ABAT: variants seen among roughly 807,000 people sequenced by gnomAD.
ABAT encodes 4-aminobutyrate aminotransferase.
ABAT carries 45 observed loss-of-function variants against 64.6 expected under a neutral mutation model. The observed-to-expected ratio is 0.70, with a 90% CI of 0.55 to 0.89. The LOEUF (loss-of-function observed/expected upper bound fraction) is 0.89, where lower values mean the gene tolerates loss of function less well. Ranked by LOEUF, ABAT falls within the 40% of genes least tolerant of loss-of-function variation. The pLI is 0.00. For synonymous variants in ABAT, 297 were observed against 250.5 expected (o/e 1.19, Z -1.75); for missense variants, 633 against 658.4 (o/e 0.96, Z 0.42).
chr16:8,687,526 AAAAACAAAAAAC>A (rs2057483697), intron 1 of ABAT, among the ~76,000 whole-genome samples: 1 of 152,330 alleles, frequency 6.6e-6, no homozygotes, highest in East Asian at 1.9e-4. Flanking sequence ...CTCCATCTCA[AAAAACAAAAAAC>A]AAAACAAAAA....
At chr16:8,688,076 A>ATT (rs5815493) in intron 1 of ABAT, among the ~76,000 whole-genome samples, 8 of 151,000 alleles carry the variant, frequency 5.3e-5, no homozygotes, top group African/African-American at 1.7e-4. Context: ...CTTATTTTTT[A>ATT]TTTTTTTTGT....
At chr16:8,698,355 C>T (rs1449815799) in intron 1 of ABAT, among the ~76,000 whole-genome samples, 23 of 150,850 alleles carry the variant, frequency 1.5e-4, no homozygotes, top group Non-Finnish European at 2.5e-4. Flanking sequence ...TTCTTTGAGA[C>T]GGAGTTCCAC....
Position 8,674,694 on chromosome 16 carries a change from C to T in ABAT, c.-59C>T, listed in dbSNP as rs1185380605. 1 of 152,294 alleles carries T rather than the reference C, an allele frequency of 6.6e-6. No individual in the cohort carries two copies. The highest frequency in any genetic ancestry group is 1.5e-5 in the Non-Finnish European group (1 of 68,096). 9.4% of individuals were successfully genotyped at this position (152,294 alleles called of 1,614,324 possible). ...ACCCGGCGGATCGGATCCCGCAGAT[C>T]GGAGACGGGGCCTGGAGGTGAGCGC... On this transcript the variant is annotated 5_prime_UTR_variant, in exon 1 of 16. Transcript: ENST00000268251.
chr16:8,732,934 C>A (rs1465487570), intron 1 of ABAT, among the ~76,000 whole-genome samples: 1 of 149,628 alleles, frequency 6.7e-6, no homozygotes, highest in Non-Finnish European at 1.5e-5. Context: ...GGGGCTGACC[C>A]CCCTACCTCC....
intron 4 of ABAT, 47 bp from the exon 5 acceptor site, chr16:8,750,375 A>C (rs1408486068): frequency 6.7e-7 from 1 of 1,483,174 alleles, no homozygotes; most frequent in Non-Finnish European, 9.4e-7. Context: ...AAGCCCAAGA[A>C]TCTAGGGAGT....
intron 1 of ABAT, among the ~76,000 whole-genome samples, chr16:8,700,440 G>A (rs73497667): frequency 0.07 from 10,686 of 151,940 alleles, 1,252 homozygotes; most frequent in African/African-American, 0.24. Context: ...ACCGTCCCCA[G>A]CCCCCAGAAA....
At chr16:8,675,244 GGAGA>G (rs2141874144) in intron 1 of ABAT, among the ~76,000 whole-genome samples, 1 of 152,144 alleles carries the variant, frequency 6.6e-6, no homozygotes, top group African/African-American at 2.4e-5. Flanking sequence ...ACTGGGCTCT[GGAGA>G]GATAGATGAT....
intron 5 of ABAT, 46 bp from the exon 6 acceptor site, chr16:8,757,711 A>G: frequency 6.3e-7 from 1 of 1,592,710 alleles, no homozygotes; most frequent in Non-Finnish European, 8.6e-7. Flanking sequence ...GGCATGGGGA[A>G]CCCTTGGATG....
intron 13 of ABAT, among the ~76,000 whole-genome samples, chr16:8,775,565 T>TACACACAC (rs3069345): frequency 1.3e-5 from 2 of 150,938 alleles, no homozygotes; most frequent in African/African-American, 4.9e-5. Flanking sequence ...CATACAGATT[T>TACACACAC]ACACACACAC....
Position 8,736,096 on chromosome 16 carries a change from T to A in ABAT, c.70+287T>A, listed in dbSNP as rs1731086. 7.8e-5 allele frequency: 34 copies of A among 434,856 alleles called. No homozygotes were observed. The East Asian group carries it at 9.0e-4, about 12-fold the overall frequency. The allele number at this position is 434,856 out of a possible 1,614,324, so 26.9% of individuals were successfully genotyped here. Reference sequence around the variant, plus strand: ...GGAACAAAGGCACGTCTTACATGGCTACAGGCAAGAGAGCATGTGCAGGGG... The same window carrying A: ...GGAACAAAGGCACGTCTTACATGGCAACAGGCAAGAGAGCATGTGCAGGGG... On this transcript the variant is annotated intron_variant, in intron 2 of 15. Coordinates refer to ENST00000268251, the MANE Select transcript of ABAT (RefSeq NM_020686.6).
intron 10 of ABAT, 143 bp downstream of exon 10, chr16:8,768,399 C>T (rs2060008266): frequency 2.4e-5 from 23 of 944,352 alleles, no homozygotes; most frequent in Non-Finnish European, 3.8e-5. Context: ...GATTATTATT[C>T]CTGCTTTGCA....
In ABAT at chr16:8,746,088, C is replaced by T. The variant is rs903906856; in HGVS notation, c.158C>T (p.Pro53Leu). 12 of 1,613,358 alleles carry T rather than the reference C, an allele frequency of 7.4e-6. No individual in the cohort carries two copies. The Admixed American group carries it at 1.2e-4, about 16-fold the overall frequency. The change falls in exon 3 of 16, where the codon CCT becomes CTT. Residue 53 changes from proline (P) to leucine (L), a missense_variant. Coordinates refer to ENST00000268251, the MANE Select transcript of ABAT (RefSeq NM_020686.6). ...CTGATGAAGACGGAAGTCCCAGGGC[C>T]TAGATCTCAGGTGAGTTGAGCACAC... is the stretch of plus-strand genomic sequence containing the variant. The part of the protein sequence containing the change: ...GPLMKTEVPG[P>L]RSQELMKQLN...
intron 1 of ABAT, among the ~76,000 whole-genome samples, chr16:8,685,413 G>A (rs1173213719): frequency 1.3e-5 from 2 of 150,346 alleles, no homozygotes; most frequent in Admixed American, 6.6e-5. Context: ...GCTCTCGCCT[G>A]TAATCCAGCA....
At chr16:8,779,398 C>T in intron 14 of ABAT, 81 bp from the exon 15 acceptor site, 1 of 1,246,448 alleles carries the variant, frequency 8.0e-7, no homozygotes, top group Non-Finnish European at 1.2e-6. Context: ...CATGGGAGGC[C>T]TTTGACGAAG....
rs977787136 is a variant in ABAT, at chr16:8,781,178, A to C, written c.1382-131A>C. 3.5e-6 allele frequency: 5 copies of C among 1,442,618 alleles called. No homozygotes were observed. The highest frequency in any genetic ancestry group is 1.8e-5 in the Admixed American group (1 of 56,332). 89.4% of individuals were successfully genotyped at this position (1,442,618 alleles called of 1,614,324 possible). ...TGGTAGGAAGGAAGCCCGGGCTTCCATGATGGAGGATGATGGATGGATGGA... is the reference window on the plus strand; with the variant it reads ...TGGTAGGAAGGAAGCCCGGGCTTCCCTGATGGAGGATGATGGATGGATGGA... On this transcript the variant is annotated intron_variant, in intron 15 of 15. Transcript: ENST00000268251. This position sits in a 1 kb window ranked among gnomAD's most constrained non-coding sequence, Gnocchi z 4.5.
At chr16:8,737,346 G>A (rs923016597) in intron 2 of ABAT, 3 of 151,900 alleles carry the variant, frequency 2.0e-5, no homozygotes, top group African/African-American at 4.8e-5. Context: ...GTATGGTGGT[G>A]GATGCCTGTA....
intron 1 of ABAT, among the ~76,000 whole-genome samples, chr16:8,727,305 C>G (rs1439820973): frequency 6.6e-6 from 1 of 152,150 alleles, no homozygotes; most frequent in East Asian, 1.9e-4. Flanking sequence ...GATGACCGCA[C>G]CTTCACCTTC....
chr16:8,778,417 C>T (rs950749842), intron 14 of ABAT, among the ~76,000 whole-genome samples: 1 of 152,068 alleles, frequency 6.6e-6, no homozygotes, highest in Non-Finnish European at 1.5e-5. Flanking sequence ...CTGCTTCTGG[C>T]GTCACTTGGT....
chr16:8,716,296 CTT>C (rs571644519), intron 1 of ABAT, among the ~76,000 whole-genome samples: 1 of 151,866 alleles, frequency 6.6e-6, no homozygotes, highest in African/African-American at 2.4e-5. Context: ...TTCCTTTTTT[CTT>C]TTTTTTGCTA....
Sources: gnomAD v4.1 joint callset for allele counts (sites outside exome capture counted in the v4.1 genomes callset) on GRCh38, gnomAD v4.1.1 for gene constraint, Gnocchi (gnomAD v3.1) non-coding constraint, MANE v1.5 for transcripts, NCBI Gene and HGNC (gene_info 2026-07-23, HGNC 2026-07-21) for gene names.